The following ANO9 variants were observed in gnomAD, a reference collection of about 807,000 sequenced individuals.
ANO9 encodes anoctamin-9.
A neutral mutation model predicts 100.5 loss-of-function variants in ANO9; 80 were observed. That is an observed-to-expected ratio of 0.80 (90% CI 0.66 to 0.96). ANO9 has a LOEUF of 0.96. ANO9 is among the 40% of genes least tolerant of loss of function. The pLI is 0.00. For synonymous variants in ANO9, 473 were observed against 435.6 expected, an observed-to-expected ratio of 1.09 and a Z score of -1.07; for missense variants, 1,064 against 1,072.7, an observed-to-expected ratio of 0.99 and a Z score of 0.11.
intron 1 of ANO9, among the ~76,000 whole-genome samples, chr11:438,733 AC>A (rs2133721063): frequency 6.6e-6 from 1 of 151,482 alleles, no homozygotes; most frequent in African/African-American, 2.4e-5. Context: ...TCTCCACACC[AC>A]CCTCGGGGTC....
At chr11:435,176 C>T (rs1325940922) in intron 1 of ANO9, among the ~76,000 whole-genome samples, 1 of 151,684 alleles carries the variant, frequency 6.6e-6, no homozygotes, top group African/African-American at 2.4e-5. Context: ...CTAGTTTGGT[C>T]TAGTATAGCA....
rs1216103637 is a variant in ANO9, at chr11:434,050, G to A, written c.55C>T (p.Pro19Ser). The stretch of plus-strand genomic sequence containing the variant: ...TCACAGGTGCTGATCTCCATCAGCG[G>A]GAAGCTGTCCCCTTCGGGCTCCACC... ...ILVEPEGDSF[P>S]LMEISTCETE... Residue 19 changes from proline to serine, a missense_variant, in exon 2 of 23, where the codon CCG (proline) becomes TCG (serine). By Grantham distance (74) the Pro-to-Ser change is moderately conservative. Transcript: ENST00000332826. The A allele has an allele frequency of 6.4e-7, 1 of 1,551,088 alleles. No homozygotes were observed. The highest frequency in any genetic ancestry group is 1.2e-5 in the South Asian group (1 of 84,106).
intron 1 of ANO9, among the ~76,000 whole-genome samples, chr11:435,219 G>A (rs541702072): frequency 1.3e-5 from 2 of 152,188 alleles, no homozygotes; most frequent in African/African-American, 4.8e-5. Flanking sequence ...GCATAGGGTA[G>A]CATAGGGTAG....
chr11:436,355 C>A (rs1451574962), intron 1 of ANO9, among the ~76,000 whole-genome samples: 1 of 152,104 alleles, frequency 6.6e-6, no homozygotes. Context: ...GTGTGAGCCA[C>A]CACGCCCGGC....
At chr11:419,108 A>G in intron 20 of ANO9, 119 bp from the exon 21 acceptor site, 2 of 1,534,470 alleles carry the variant, frequency 1.3e-6, no homozygotes, top group Non-Finnish European at 1.7e-6. Context: ...CACGCCACAG[A>G]CTGCGTCCAG....
At chr11:433,186 C>A in intron 4 of ANO9, 128 bp downstream of exon 4, 3 of 1,316,060 alleles carry the variant, frequency 2.3e-6, no homozygotes, top group Non-Finnish European at 3.0e-6. Flanking sequence ...GTGGCCCCTG[C>A]CCTGAGACCA....
intron 2 of ANO9, 23 bp from the exon 3 acceptor site, chr11:433,960 C>T (rs1425007533): frequency 3.2e-6 from 5 of 1,555,216 alleles, no homozygotes; most frequent in Non-Finnish European, 2.6e-6. Context: ...GGCATGGGGC[C>T]AGGCGCAGGT....
At chr11:430,055 C>G in intron 9 of ANO9, 28 bp downstream of exon 9, 1 of 1,545,832 alleles carries the variant, frequency 6.5e-7, no homozygotes, top group Non-Finnish European at 8.7e-7. Context: ...CTTCCGCAGG[C>G]CCTGGGGTGG....
At chr11:434,948 C>T (rs538537029) in intron 1 of ANO9, among the ~76,000 whole-genome samples, 4 of 152,292 alleles carry the variant, frequency 2.6e-5, no homozygotes, top group South Asian at 2.1e-4. Context: ...GCCGCATCCT[C>T]GCCAAGCTCA....
chr11:436,432 C>G (rs1420539665), intron 1 of ANO9, among the ~76,000 whole-genome samples: 1 of 151,582 alleles, frequency 6.6e-6, no homozygotes, highest in Admixed American at 6.6e-5. Context: ...GCCCCCACCC[C>G]ACACACACAC....
At chr11:425,263 A>G (rs1848440088) in intron 15 of ANO9, among the ~76,000 whole-genome samples, 1 of 43,528 alleles carries the variant, frequency 2.3e-5, no homozygotes, top group Non-Finnish European at 4.7e-5. Flanking sequence ...GCGGGAGCAA[A>G]AGGCGGCGTG....
chr11:423,403 T>C (rs968406741), intron 15 of ANO9, among the ~76,000 whole-genome samples: 3 of 152,168 alleles, frequency 2.0e-5, no homozygotes, highest in Non-Finnish European at 4.4e-5. Context: ...TGGGGATGGT[T>C]AGTCAATCAA....
chr11:420,737 G>A lies in ANO9; in HGVS notation c.1614C>T (p.Phe538=). Residue 538 remains phenylalanine, a synonymous_variant, in exon 18 of 23, where the codon TTC becomes TTT. Transcript: ENST00000332826. ...LLNPVNTFSL[F]DEFMEMMIQY... is the part of the protein sequence containing the mutation. ...ACGCACTCATCTCCATGAACTCGTC[G>A]AACAGGCTGAAGGTGTTGACCGGGT... The A allele has an allele frequency of 6.2e-7, 1 of 1,608,306 alleles. No individual in the cohort carries two copies. Among genetic ancestry groups the A allele is most frequent in the Non-Finnish European group, 8.5e-7 (1 of 1,178,602 alleles).
chr11:433,718 C>G (rs1309132145), intron 3 of ANO9, 97 bp downstream of exon 3: 1 of 1,476,714 alleles, frequency 6.8e-7, no homozygotes, highest in Non-Finnish European at 9.0e-7. Context: ...CACAGCCCTG[C>G]CCCTCGCTGG....
intron 1 of ANO9, among the ~76,000 whole-genome samples, chr11:436,063 C>CTTTTT (rs10707508): frequency 5.0e-5 from 5 of 99,280 alleles, no homozygotes; most frequent in Non-Finnish European, 7.7e-5. Context: ...CTTTTCTTTC[C>CTTTTT]TTTTTTTTTT....
Position 420,590 on chromosome 11 carries a change from G to A in ANO9, c.1659C>T (p.Ile553=), listed in dbSNP as rs1488382553. 4.4e-6 allele frequency: 7 copies of A among 1,605,050 alleles called. No homozygotes were observed. The highest frequency in any genetic ancestry group is 1.6e-4 in the Middle Eastern group (1 of 6,078). Residue 553 remains isoleucine (I), a synonymous_variant, in exon 19 of 23, where the codon ATC becomes ATT. Transcript: ENST00000332826. ...EMMIQYGFTT[I]FVAAFPLAPL... ...GCGCCAGCGGGAAGGCGGCCACGAA[G>A]ATGGTGGTGAAGCCGTACTGGATCA...
chr11:432,988 C>A lies in ANO9; in HGVS notation c.350+326G>T. 1 of 336,220 alleles carries A rather than the reference C, an allele frequency of 3.0e-6. No individual in the cohort carries two copies. The highest frequency in any genetic ancestry group is 5.4e-6 in the Non-Finnish European group (1 of 185,018). The allele number at this position is 336,220 out of a possible 1,614,324, so 20.8% of individuals were successfully genotyped here. A position where few individuals can be genotyped will look rare whatever the true frequency, so the allele number is the denominator to read the frequency against. On this transcript the variant is annotated intron_variant, in intron 4 of 22. Transcript: ENST00000332826. This position sits in a 1 kb window ranked among gnomAD's most constrained non-coding sequence, Gnocchi z 4.8. ...AGGAGGGGTCTTCAAGAGACACTGG[C>A]CTTGATCCAGGAGGGGCCCCTGGGC...
Position 428,763 on chromosome 11 carries a change from A to G in ANO9, c.979T>C (p.Tyr327His), listed in dbSNP as rs1848684857. 2 of 1,613,290 alleles carry G rather than the reference A, an allele frequency of 1.2e-6. No individual in the cohort carries two copies. Among genetic ancestry groups the G allele is most frequent in the African/African-American group, 1.3e-5 (1 of 74,926 alleles). Reference protein sequence around the residue: ...DYKLRPYQHSYLRSTVILVLT... With the variant: ...DYKLRPYQHSHLRSTVILVLT... ...ACGAGGATGACGGTGCTGCGTAGGT[A>G]GGAGTGCTGGTATGGCCGGAGCTTG... Residue 327 changes from tyrosine (Y) to histidine (H), a missense_variant, in exon 12 of 23, where the codon TAC becomes CAC. By Grantham distance (83) the Tyr-to-His change is moderately conservative (BLOSUM62 2). Transcript: ENST00000332826.
In ANO9 at chr11:432,037, A is replaced by C. The variant is rs1237406168; in HGVS notation, c.368T>G (p.Val123Gly). ...CTTGTTGTTCATGACAACGAAGTTC[A>C]CGATTCGGATTCTGAGACTCAAGAG... ...PVTTSLRIRI[V>G]NFVVMNNKTS... The change falls in exon 5 of 23, where the codon GTG becomes GGG. Residue 123 changes from valine to glycine, a missense_variant. Physicochemically the swap from Val to Gly is moderately radical, Grantham distance 109. Coordinates refer to ENST00000332826, the MANE Select transcript of ANO9 (RefSeq NM_001012302.3). The surrounding 1 kb of genome is among the most constrained non-coding windows in gnomAD (Gnocchi z 4.8). The C allele has an allele frequency of 6.2e-7, 1 of 1,612,892 alleles. No homozygotes were observed. The highest frequency in any genetic ancestry group is 2.2e-5 in the East Asian group (1 of 44,868).
Sources: allele counts gnomAD v4.1 joint callset (sites outside exome capture counted in the v4.1 genomes callset), GRCh38; gene constraint gnomAD v4.1.1; non-coding constraint Gnocchi (gnomAD v3.1); transcripts MANE v1.5; gene names NCBI Gene and HGNC (gene_info 2026-07-23, HGNC 2026-07-21).